Variants in TBC1D5 observed in about 807,000 individuals in gnomAD.
TBC1D5 encodes the protein TBC1 domain family, member 5.
Under a neutral mutation model 100.3 loss-of-function variants are expected in TBC1D5, and 75 were observed. The ratio of observed to expected loss-of-function variants is 0.75; its 90% CI spans 0.62 to 0.91. The LOEUF (loss-of-function observed/expected upper bound fraction) is 0.91. TBC1D5 is among the 40% of genes least tolerant of loss of function. The probability of loss-of-function intolerance (pLI) is 0.00; values close to 1 mark genes in which losing one functional copy is unlikely to be tolerated. For synonymous variants in TBC1D5, 323 were observed against 325.6 expected (o/e 0.99, Z 0.09); for missense variants, 910 against 942.4 (o/e 0.97, Z 0.45).
intron 19 of TBC1D5, among the ~76,000 whole-genome samples, chr3:17,175,492 C>T (rs937992587): frequency 6.6e-6 from 1 of 151,918 alleles, no homozygotes; most frequent in African/African-American, 2.4e-5. Context: ...TTAGGGTCAA[C>T]CAAAAAAGGA....
At chr3:17,486,393 T>C (rs1226296011) in intron 3 of TBC1D5, among the ~76,000 whole-genome samples, 3 of 152,230 alleles carry the variant, frequency 2.0e-5, no homozygotes, top group Admixed American at 2.0e-4. Context: ...TTTTGGTGTT[T>C]TAGACTTGAA....
intron 1 of TBC1D5, among the ~76,000 whole-genome samples, chr3:17,666,725 T>TA (rs2067298484): frequency 1.3e-5 from 2 of 152,276 alleles, no homozygotes; most frequent in South Asian, 4.1e-4. Flanking sequence ...CCTACCTGTG[T>TA]AACGATCTTA....
chr3:17,568,147 T>C lies in TBC1D5; in HGVS notation c.-36+55702A>G, dbSNP rs988640113. On this transcript the variant is annotated intron_variant, in intron 2 of 21. Coordinates refer to ENST00000253692, the Ensembl canonical transcript of TBC1D5. ...TTTTTGAATGTAGGAGGAATAATAT[T>C]TTAGAACAAATGACCCTAACAGGCA... Among the ~76,000 whole-genome samples the C allele has an allele frequency of 4.6e-5, 7 of 151,500 alleles. No individual in the cohort carries two copies. In the East Asian group the frequency reaches 1.3e-3, roughly 29 times the overall value.
At chr3:17,714,601 C>A (rs1296292961) in intron 1 of TBC1D5, among the ~76,000 whole-genome samples, 1 of 152,134 alleles carries the variant, frequency 6.6e-6, no homozygotes, top group African/African-American at 2.4e-5. Flanking sequence ...TCTAGCTAAA[C>A]ACAAGGTAAA....
intron 17 of TBC1D5, among the ~76,000 whole-genome samples, chr3:17,232,684 A>G (rs1468639161): frequency 6.6e-6 from 1 of 152,112 alleles, no homozygotes; most frequent in Non-Finnish European, 1.5e-5. Context: ...TTACTCCTCT[A>G]TTGCCACAAT....
chr3:17,162,051 G>A (rs769745193), intron 21 of TBC1D5, among the ~76,000 whole-genome samples: 29 of 152,068 alleles, frequency 1.9e-4, no homozygotes, highest in Non-Finnish European at 3.8e-4. Flanking sequence ...TAACATTCAC[G>A]AACACAGGTA....
At chr3:17,612,256 T>C (rs982668532) in intron 2 of TBC1D5, among the ~76,000 whole-genome samples, 4 of 145,822 alleles carry the variant, frequency 2.7e-5, no homozygotes, top group African/African-American at 1.0e-4. Flanking sequence ...GCCATGATTG[T>C]GCCACTGTAC....
intron 4 of TBC1D5, among the ~76,000 whole-genome samples, chr3:17,412,160 GA>G (rs2093944647): frequency 1.3e-5 from 2 of 152,050 alleles, no homozygotes; most frequent in African/African-American, 2.4e-5. Flanking sequence ...GTACAGAGGG[GA>G]AAGAAATGGT....
chr3:17,606,061 T>C (rs1407768844), intron 2 of TBC1D5, among the ~76,000 whole-genome samples: 3 of 152,216 alleles, frequency 2.0e-5, no homozygotes, highest in Non-Finnish European at 4.4e-5. Context: ...ATGACTACTC[T>C]ACTGCCCACA....
At chr3:17,342,810 T>C (rs1392539150) in intron 13 of TBC1D5, among the ~76,000 whole-genome samples, 1 of 152,224 alleles carries the variant, frequency 6.6e-6, no homozygotes, top group Non-Finnish European at 1.5e-5. Context: ...TATTATAATC[T>C]TTTTTCTATG....
chr3:17,211,147 T>G (rs912306122), intron 18 of TBC1D5, among the ~76,000 whole-genome samples: 18 of 152,216 alleles, frequency 1.2e-4, no homozygotes, highest in African/African-American at 4.3e-4. Flanking sequence ...TCATATAAAA[T>G]AGTATGAACT....
intron 1 of TBC1D5, among the ~76,000 whole-genome samples, chr3:17,737,429 A>T (rs1418647972): frequency 6.6e-6 from 1 of 152,254 alleles, no homozygotes; most frequent in Non-Finnish European, 1.5e-5. Flanking sequence ...CTCTCAAGGC[A>T]AGACAGCCCT....
intron 2 of TBC1D5, among the ~76,000 whole-genome samples, chr3:17,609,643 A>T (rs1024021193): frequency 2.6e-5 from 4 of 152,122 alleles, no homozygotes; most frequent in Admixed American, 2.6e-4. Context: ...TTCAAATTTC[A>T]TGCCTTCAAC....
At chr3:17,453,773 A>T (rs1462996845) in intron 3 of TBC1D5, among the ~76,000 whole-genome samples, 1 of 152,172 alleles carries the variant, frequency 6.6e-6, no homozygotes, top group East Asian at 1.9e-4. Context: ...TAATTCTACA[A>T]TGCCAATATA....
intron 2 of TBC1D5, among the ~76,000 whole-genome samples, chr3:17,581,324 A>G (rs2096694791): frequency 6.6e-6 from 1 of 152,158 alleles, no homozygotes; most frequent in Non-Finnish European, 1.5e-5. Flanking sequence ...ACTAATATAT[A>G]CCTTTAAATA....
chr3:17,702,404 C>G (rs1466156720), intron 1 of TBC1D5: 4 of 151,972 alleles, frequency 2.6e-5, no homozygotes, highest in Non-Finnish European at 5.9e-5. Flanking sequence ...CTAATTGAAG[C>G]ATCACAATAA....
At chr3:17,546,593 G>A (rs2096417378) in intron 2 of TBC1D5, among the ~76,000 whole-genome samples, 1 of 151,030 alleles carries the variant, frequency 6.6e-6, no homozygotes, top group Admixed American at 6.6e-5. Context: ...GTGAGACCCC[G>A]TCTCTACTAA....
At chr3:17,568,377 C>CA (rs1414550886) in intron 2 of TBC1D5, among the ~76,000 whole-genome samples, 5 of 151,210 alleles carry the variant, frequency 3.3e-5, no homozygotes, top group Non-Finnish European at 7.4e-5. Flanking sequence ...AGAACATTGT[C>CA]AAAGAGGTGG....
chr3:17,666,611 T>G (rs1457742073), intron 1 of TBC1D5, among the ~76,000 whole-genome samples: 1 of 152,172 alleles, frequency 6.6e-6, no homozygotes, highest in African/African-American at 2.4e-5. Flanking sequence ...ATAGTAAATC[T>G]CCATTACTTA....
Sources: allele counts gnomAD v4.1 joint callset (sites outside exome capture counted in the v4.1 genomes callset), GRCh38; gene constraint gnomAD v4.1.1; transcripts MANE v1.5; gene names NCBI Gene and HGNC (gene_info 2026-07-23, HGNC 2026-07-21).